CASQ2: variants seen among roughly 807,000 people sequenced by gnomAD.
The protein encoded by CASQ2 is calsequestrin-2.
Under a neutral mutation model 46.5 loss-of-function variants are expected in CASQ2, and 49 were observed. The observed-to-expected ratio is 1.05, with a 90% CI of 0.84 to 1.34. CASQ2 has a LOEUF of 1.34. Among genes scored for constraint, CASQ2 ranks in the 40% most tolerant of loss-of-function variants. The pLI is 0.00. For missense variants in CASQ2, 486 were observed against 481.3 expected (o/e 1.01, Z -0.09); for synonymous variants, 174 against 168.5 (o/e 1.03, Z -0.25).
intron 1 of CASQ2, among the ~76,000 whole-genome samples, chr1:115,756,650 AT>A (rs1648771622): frequency 6.6e-6 from 1 of 152,190 alleles, no homozygotes; most frequent in African/African-American, 2.4e-5. Flanking sequence ...CCGTTTTAAA[AT>A]TTATAACTTT....
intron 10 of CASQ2, 90 bp from the exon 11 acceptor site, chr1:115,701,516 C>T (rs957303956): frequency 2.4e-5 from 20 of 828,782 alleles, no homozygotes; most frequent in South Asian, 2.0e-4. Flanking sequence ...ATGCTGAGTG[C>T]CCCCCGACTC....
rs557958495 is a variant in CASQ2 at position 115,703,206 on chromosome 1, CAT to C, written c.940-213_940-212del. ...GATGACACAGCATAAATTATGGAAA[CAT>C]GTGTCTGCAGCTGTAAGAGAGAAAA... On this transcript the variant is annotated intron_variant, in intron 9 of 10. Coordinates refer to ENST00000261448, the MANE Select transcript of CASQ2 (RefSeq NM_001232.4). Among the ~76,000 whole-genome samples, 149 of 152,330 alleles carry C rather than the reference CAT, an allele frequency of 9.8e-4. 1 individual carries two copies. Among genetic ancestry groups the C allele is most frequent in the Non-Finnish European group, 1.6e-3 (111 of 68,030 alleles).
At position 115,701,395 on chromosome 1, in the gene CASQ2, T is replaced by A. The variant is rs372865933; in HGVS notation, c.1046A>T (p.Asp349Val). The change falls in exon 11 of 11, where the codon GAT becomes GTT. Residue 349 changes from aspartate (D) to valine (V), a missense_variant. Transcript: ENST00000261448. ...ADSVWMEIPD[D>V]DDLPTAEELE... ...CTCCTCAGCAGTTGGAAGATCGTCA[T>A]CATCTGGAATCTCCATCCAGACACT... The A allele has an allele frequency of 1.6e-5, 26 of 1,613,772 alleles. No individual in the cohort carries two copies. The highest frequency in any genetic ancestry group is 5.0e-5 in the Admixed American group (3 of 60,000).
Position 115,723,098 on chromosome 1 carries a change from T to C in CASQ2, c.783+2410A>G, listed in dbSNP as rs537248360. Among the ~76,000 whole-genome samples, 3 of 152,040 alleles carry C rather than the reference T, an allele frequency of 2.0e-5. No individual in the cohort carries two copies. The South Asian group carries it at 6.3e-4, about 32-fold the overall frequency. ...AAAGAAAGAGAAACATAGGCAAATG[T>C]AAGTGTGGAATCCTGGATTGGATTC... On this transcript the variant is annotated intron_variant, in intron 7 of 10. Transcript: ENST00000261448.
intron 1 of CASQ2, among the ~76,000 whole-genome samples, chr1:115,758,547 C>A (rs1648836470): frequency 6.6e-6 from 1 of 152,148 alleles, no homozygotes; most frequent in African/African-American, 2.4e-5. Flanking sequence ...AAAATTTGAT[C>A]CCCAATGTTG....
chr1:115,747,010 A>G (rs1355051434), intron 1 of CASQ2, among the ~76,000 whole-genome samples: 1 of 152,130 alleles, frequency 6.6e-6, no homozygotes, highest in Non-Finnish European at 1.5e-5. Flanking sequence ...CCAGTTGATC[A>G]CTTTTTTCAT....
At chr1:115,706,759 C>T (rs898448916) in intron 8 of CASQ2, among the ~76,000 whole-genome samples, 2 of 151,616 alleles carry the variant, frequency 1.3e-5, no homozygotes, top group Non-Finnish European at 1.5e-5. Flanking sequence ...TCTCAGCAAA[C>T]TTGAGCTCCT....
chr1:115,761,486 A>AGGGGAAGGGGAAGGGGAAGGGGAG (rs1478158184), intron 1 of CASQ2, among the ~76,000 whole-genome samples: 1 of 16,074 alleles, frequency 6.2e-5, no homozygotes, highest in African/African-American at 2.0e-4. Context: ...AAGAAGAAGA[A>AGGGGAAGGGGAAGGGGAAGGGGAG]GGAGAAGAAG....
intron 7 of CASQ2, among the ~76,000 whole-genome samples, chr1:115,723,588 A>G (rs986212221): frequency 6.6e-6 from 1 of 151,970 alleles, no homozygotes; most frequent in African/African-American, 2.4e-5. Flanking sequence ...CCCAGGCTGG[A>G]GTGCAGTGGT....
At position 115,727,020 on chromosome 1, in the gene CASQ2, GCTC is replaced by G; in HGVS notation, c.706_708del (p.Glu236del). On this transcript the variant is annotated inframe_deletion, in exon 6 of 11. Transcript: ENST00000261448. ...TGGTGTTCCTTCACAAACTCCACCA[GCTC>G]CTCTTCTGTGTAAGGTTTGTTGGGG... 1 of 1,487,500 alleles carries G rather than the reference GCTC, an allele frequency of 6.7e-7. No homozygotes were observed. Among genetic ancestry groups the G allele is most frequent in the Non-Finnish European group, 9.1e-7 (1 of 1,100,082 alleles). 92.1% of individuals were successfully genotyped at this position (1,487,500 alleles called of 1,614,324 possible).
intron 8 of CASQ2, among the ~76,000 whole-genome samples, chr1:115,713,790 G>A (rs1156499910): frequency 6.6e-6 from 1 of 152,146 alleles, no homozygotes; most frequent in East Asian, 1.9e-4. Context: ...AGCCTGCACT[G>A]GCTGGGGCAT....
At chr1:115,703,100 T>A (rs1290059577) in intron 9 of CASQ2, 105 bp from the exon 10 acceptor site, 11 of 851,486 alleles carry the variant, frequency 1.3e-5, no homozygotes, top group African/African-American at 6.7e-5. Context: ...TGGTTAAAGG[T>A]CTTCAAAACA....
chr1:115,747,356 C>T (rs1377350713), intron 1 of CASQ2, among the ~76,000 whole-genome samples: 1 of 152,184 alleles, frequency 6.6e-6, no homozygotes, highest in East Asian at 1.9e-4. Flanking sequence ...GCCAACACCA[C>T]ATAGTCTTGA....
chr1:115,749,902 C>A (rs1648518734), intron 1 of CASQ2, among the ~76,000 whole-genome samples: 1 of 152,346 alleles, frequency 6.6e-6, no homozygotes, highest in South Asian at 2.1e-4. Flanking sequence ...CCATGTTCAT[C>A]TTTCACCCCA....
chr1:115,727,154 T>G (rs1448217667), intron 5 of CASQ2, 32 bp from the exon 6 acceptor site: 1 of 1,521,256 alleles, frequency 6.6e-7, no homozygotes, highest in Admixed American at 1.7e-5. Context: ...CAAAGTTTAT[T>G]TGAATACTAG....
intron 5 of CASQ2, among the ~76,000 whole-genome samples, chr1:115,730,392 C>A (rs539653153): frequency 6.6e-6 from 1 of 152,126 alleles, no homozygotes; most frequent in Non-Finnish European, 1.5e-5. Flanking sequence ...CTCTTTCCCA[C>A]AATAAACTTT....
intron 2 of CASQ2, among the ~76,000 whole-genome samples, chr1:115,741,161 A>T (rs1648162895): frequency 6.6e-6 from 1 of 152,064 alleles, no homozygotes; most frequent in African/African-American, 2.4e-5. Context: ...TGCCCACCTG[A>T]CTCCTTAACC....
chr1:115,728,630 A>G (rs1194786653), intron 5 of CASQ2, among the ~76,000 whole-genome samples: 1 of 152,186 alleles, frequency 6.6e-6, no homozygotes, highest in Non-Finnish European at 1.5e-5. Context: ...TAATAATAAC[A>G]AACATATGGA....
chr1:115,746,157 C>T (rs531061852), intron 1 of CASQ2, among the ~76,000 whole-genome samples: 8 of 88,606 alleles, frequency 9.0e-5, no homozygotes, highest in East Asian at 6.9e-4. Context: ...TGTATCGATA[C>T]GCTGTTTTTT....
Sources: gnomAD v4.1 joint callset for allele counts (sites outside exome capture counted in the v4.1 genomes callset) on GRCh38, gnomAD v4.1.1 for gene constraint, MANE v1.5 for transcripts, NCBI Gene and HGNC (gene_info 2026-07-23, HGNC 2026-07-21) for gene names.